The following CRYBG3 variants were observed in gnomAD, a reference collection of about 807,000 sequenced individuals.
CRYBG3 encodes crystallin beta-gamma domain containing 3.
Under a neutral mutation model 244.2 loss-of-function variants are expected in CRYBG3, and 127 were observed. That is an observed-to-expected ratio of 0.52 (90% CI 0.45 to 0.60). The LOEUF (loss-of-function observed/expected upper bound fraction) is 0.60, where lower values mean the gene tolerates loss of function less well. Ranked by LOEUF, CRYBG3 falls within the 20% of genes least tolerant of loss-of-function variation. The pLI, the probability that CRYBG3 is intolerant of heterozygous loss-of-function variation, is 0.00. For missense variants in CRYBG3, 3,325 were observed against 3,442.5 expected (o/e 0.97, Z 0.85); for synonymous variants, 1,132 against 1,195.8 (o/e 0.95, Z 1.10).
In CRYBG3 at chr3:97,874,341, C is replaced by T. The variant is rs1225217295; in HGVS notation, c.3147C>T (p.Asn1049=). 5.2e-6 allele frequency: 8 copies of T among 1,526,590 alleles called. No individual in the cohort carries two copies. Among genetic ancestry groups the T allele is most frequent in the South Asian group, 1.2e-5 (1 of 81,562 alleles). The allele number at this position is 1,526,590 out of a possible 1,614,324, so 94.6% of individuals were successfully genotyped here. ...CCTCATCTTACAGAAAGAAAGAGAA[C>T]ATCCATTTTTTAAATGGTGGTATTG... ...KKSSSYRKKE[N]IHFLNGGIDS... is the part of the protein sequence containing the mutation. The change falls in exon 4 of 22, where the codon AAC becomes AAT. Residue 1049 remains asparagine (N), a synonymous_variant. Transcript: ENST00000389622.
rs1250327264 is a variant in CRYBG3, at chr3:97,942,437, G to A, written c.8818G>A (p.Val2940Ile). ...SYLSDQLVLD[V>I]KGGNYCDKTH... is the part of the protein sequence containing the mutation. ...TCTCAGTGATCAACTTGTCCTTGATGTTAAAGGTGGGCCTTTGATGATACC... is the reference window on the plus strand; with the variant it reads ...TCTCAGTGATCAACTTGTCCTTGATATTAAAGGTGGGCCTTTGATGATACC... Residue 2940 changes from valine to isoleucine, a missense_variant, in exon 21 of 22, where the codon GTT becomes ATT. Physicochemically the swap from Val to Ile is conservative, Grantham distance 29. Coordinates refer to ENST00000389622, the MANE Select transcript of CRYBG3 (RefSeq NM_153605.4). 1.2e-6 allele frequency: 2 copies of A among 1,608,594 alleles called. No individual in the cohort carries two copies. Among genetic ancestry groups the A allele is most frequent in the African/African-American group, 1.3e-5 (1 of 74,768 alleles).
chr3:97,896,084 C>G lies in CRYBG3; in HGVS notation c.7700C>G (p.Ala2567Gly), dbSNP rs778046527. ...ATCTTGTCTTTCCGGTACTTACAAGCTGTGAGTTAGCTTCCTTATCCTTAA... is the reference window on the plus strand; with the variant it reads ...ATCTTGTCTTTCCGGTACTTACAAGGTGTGAGTTAGCTTCCTTATCCTTAA... ...SPILSFRYLQ[A>G]NFIESSVTLF... Residue 2567 changes from alanine to glycine, a missense_variant and splice_region_variant, in exon 12 of 22, where the codon GCT becomes GGT. Ala to Gly is a moderately conservative substitution (Grantham distance 60). Transcript: ENST00000389622. 1.2e-6 allele frequency: 2 copies of G among 1,604,646 alleles called. No homozygotes were observed. Among genetic ancestry groups the G allele is most frequent in the East Asian group, 4.5e-5 (2 of 44,720 alleles).
intron 7 of CRYBG3, among the ~76,000 whole-genome samples, chr3:97,883,807 T>C (rs1297264109): frequency 6.6e-6 from 1 of 152,230 alleles, no homozygotes; most frequent in Non-Finnish European, 1.5e-5. Context: ...TTTTCCAACG[T>C]TGTCAGAATT....
Position 97,874,143 on chromosome 3 carries a change from A to G in CRYBG3, c.2949A>G (p.Ser983=). The G allele has an allele frequency of 2.0e-6, 3 of 1,533,876 alleles. No homozygotes were observed. Among genetic ancestry groups the G allele is most frequent in the Non-Finnish European group, 2.6e-6 (3 of 1,146,280 alleles). The change falls in exon 4 of 22, where the codon TCA becomes TCG. Residue 983 remains serine (S), a synonymous_variant. Transcript: ENST00000389622. Reference sequence around the variant, plus strand: ...GGACTAAAAAGATTTCTGGTCACTCAGAAATGGCGGAACTCAGCTTAACTA... The same window carrying G: ...GGACTAAAAAGATTTCTGGTCACTCGGAAATGGCGGAACTCAGCTTAACTA... The part of the protein sequence containing the change: ...ICGTKKISGH[S]EMAELSLTNI...
rs536720614 is a variant in CRYBG3, at chr3:97,888,149, G to A, written c.7290-192G>A. ...AGGACAGATAGCTTATTATAGGATG[G>A]ATAATGTGTGAATGTAAATAACATG... On this transcript the variant is annotated intron_variant, in intron 8 of 21. Transcript: ENST00000389622. Among the ~76,000 whole-genome samples the A allele has an allele frequency of 1.9e-4, 29 of 152,258 alleles. No individual in the cohort carries two copies. The South Asian group carries it at 6.0e-3, about 32-fold the overall frequency.
intron 1 of CRYBG3, among the ~76,000 whole-genome samples, chr3:97,836,285 A>C (rs1320890547): frequency 1.3e-5 from 2 of 152,106 alleles, no homozygotes; most frequent in East Asian, 3.9e-4. Context: ...GGGCTAAAAT[A>C]CATACTGTTT....
At chr3:97,883,266 A>G (rs1469692220) in intron 7 of CRYBG3, among the ~76,000 whole-genome samples, 3 of 152,180 alleles carry the variant, frequency 2.0e-5, no homozygotes, top group African/African-American at 7.2e-5. Context: ...TGAAAGATTT[A>G]ACTGTAGTCA....
At chr3:97,855,872 G>A (rs979612738) in intron 2 of CRYBG3, among the ~76,000 whole-genome samples, 2 of 152,134 alleles carry the variant, frequency 1.3e-5, no homozygotes, top group Admixed American at 6.6e-5. Context: ...GAGGCAGAGC[G>A]AGATCACAGG....
At chr3:97,893,256 A>G (rs1225633303) in intron 11 of CRYBG3, among the ~76,000 whole-genome samples, 1 of 152,238 alleles carries the variant, frequency 6.6e-6, no homozygotes. Context: ...GACTATAAGA[A>G]TTGCAAGATA....
In CRYBG3 at chr3:97,874,092, G is replaced by C. The variant is rs1205529515; in HGVS notation, c.2898G>C (p.Val966=). ...MAQNCEAHTC[V]FHQSLDICGT... is the part of the protein sequence containing the mutation. The stretch of plus-strand genomic sequence containing the variant: ...AGAATTGTGAAGCTCACACTTGTGT[G>C]TTTCATCAATCTTTGGATATTTGTG... Residue 966 remains valine, a synonymous_variant, in exon 4 of 22, where the codon GTG becomes GTC. Transcript: ENST00000389622. 2.0e-6 allele frequency: 3 copies of C among 1,535,690 alleles called. No individual in the cohort carries two copies. The highest frequency in any genetic ancestry group is 2.7e-5 in the African/African-American group (2 of 73,030).
chr3:97,915,584 T>G, intron 16 of CRYBG3, 26 bp from the exon 17 acceptor site: 1 of 1,594,928 alleles, frequency 6.3e-7, no homozygotes, highest in Non-Finnish European at 8.6e-7. Flanking sequence ...GCAATTTGAT[T>G]GAATGTCTTA....
At position 97,873,065 on chromosome 3, in the gene CRYBG3, C is replaced by G; in HGVS notation, c.1871C>G (p.Pro624Arg). Residue 624 changes from proline to arginine, a missense_variant, in exon 4 of 22, where the codon CCT becomes CGT. This residue lies in a region of CRYBG3 where 1,526 missense variants were observed against 1,443.2 expected (regional missense o/e 1.06). Coordinates refer to ENST00000389622, the MANE Select transcript of CRYBG3 (RefSeq NM_153605.4). ...AATAGAAGTCACATTTCAGAAACTC[C>G]TCTTGACTCTGAGAGTCCTCAACAA... is the stretch of plus-strand genomic sequence containing the variant. ...ELNRSHISETPLDSESPQQAE... is the reference protein window; with the variant it reads ...ELNRSHISETRLDSESPQQAE... 1 of 1,534,708 alleles carries G rather than the reference C, an allele frequency of 6.5e-7. No homozygotes were observed. Among genetic ancestry groups the G allele is most frequent in the Non-Finnish European group, 8.7e-7 (1 of 1,146,468 alleles).
intron 3 of CRYBG3, among the ~76,000 whole-genome samples, chr3:97,868,188 G>A (rs956375684): frequency 6.6e-6 from 1 of 151,868 alleles, no homozygotes; most frequent in Non-Finnish European, 1.5e-5. Context: ...GGAGGCTGAG[G>A]CAGGAGAATG....
At chr3:97,861,674 T>C (rs1017260422) in intron 2 of CRYBG3, among the ~76,000 whole-genome samples, 1 of 152,148 alleles carries the variant, frequency 6.6e-6, no homozygotes, top group South Asian at 2.1e-4. Context: ...AATGTTTGCC[T>C]GAGTCCTGAG....
At chr3:97,834,722 T>A (rs189125307) in intron 1 of CRYBG3, among the ~76,000 whole-genome samples, 1 of 152,130 alleles carries the variant, frequency 6.6e-6, no homozygotes, top group African/African-American at 2.4e-5. Flanking sequence ...ATAAAAAATT[T>A]TTGGCAATGT....
intron 19 of CRYBG3, 84 bp from the exon 20 acceptor site, chr3:97,941,064 T>G: frequency 8.6e-7 from 1 of 1,159,036 alleles, no homozygotes; most frequent in Non-Finnish European, 1.2e-6. Flanking sequence ...TACCTCTCAC[T>G]TTCCCTCCCA....
intron 1 of CRYBG3, among the ~76,000 whole-genome samples, chr3:97,831,181 T>C (rs959064826): frequency 1.7e-4 from 26 of 152,204 alleles, no homozygotes; most frequent in Non-Finnish European, 3.2e-4. Context: ...GTAAATACTT[T>C]TTATGGGAAC....
At chr3:97,931,054 C>T (rs1442519993) in intron 17 of CRYBG3, among the ~76,000 whole-genome samples, 3 of 152,052 alleles carry the variant, frequency 2.0e-5, no homozygotes, top group Non-Finnish European at 4.4e-5. Context: ...ATTCCACTAA[C>T]GCCTTCCACA....
Position 97,822,366 on chromosome 3 carries a change from A to G in CRYBG3, c.149+11A>G. The stretch of plus-strand genomic sequence containing the variant: ...CCGGTCCGCTGCCAGGTGGGAGTCG[A>G]GGAGGGGGTCGCGGGGGGGCCCTGC... On this transcript the variant is annotated intron_variant, in intron 1 of 21. Coordinates refer to ENST00000389622, the MANE Select transcript of CRYBG3 (RefSeq NM_153605.4). 5 of 1,492,040 alleles carry G rather than the reference A, an allele frequency of 3.4e-6. No homozygotes were observed. Among genetic ancestry groups the G allele is most frequent in the Non-Finnish European group, 4.4e-6 (5 of 1,123,722 alleles). 92.4% of individuals were successfully genotyped at this position (1,492,040 alleles called of 1,614,324 possible). A position where few individuals can be genotyped will look rare whatever the true frequency, so the allele number is the denominator to read the frequency against.
Sources: gnomAD v4.1 joint callset for allele counts (sites outside exome capture counted in the v4.1 genomes callset) on GRCh38, gnomAD v4.1.1 for gene constraint, gnomAD v4.1.1 regional missense constraint, MANE v1.5 for transcripts, NCBI Gene and HGNC (gene_info 2026-07-23, HGNC 2026-07-21) for gene names.